Variants in NEDD4 observed in about 807,000 individuals in gnomAD.
NEDD4 encodes the protein NEDD4 E3 ubiquitin protein ligase, also known as E3 ubiquitin-protein ligase NEDD4.
In NEDD4, 99 loss-of-function variants were observed where a neutral mutation model predicts 144.9. That is an observed-to-expected ratio of 0.68 (90% confidence interval 0.58 to 0.81). NEDD4 has a LOEUF of 0.81. Among genes scored for constraint, NEDD4 ranks in the 30% least tolerant of loss-of-function variants. The pLI is 0.00. For synonymous variants in NEDD4, 318 were observed against 350.6 expected, an observed-to-expected ratio of 0.91 and a Z score of 1.04; for missense variants, 985 against 1,065.9, an observed-to-expected ratio of 0.92 and a Z score of 1.06.
chr15:55,869,826 G>A (rs1290368325), intron 7 of NEDD4, 145 bp from the exon 8 acceptor site: 1 of 476,732 alleles, frequency 2.1e-6, no homozygotes, highest in Non-Finnish European at 3.7e-6. Flanking sequence ...AAGATATCTA[G>A]GGAAAGGAAT....
chr15:55,953,252 G>C (rs1006928602), intron 2 of NEDD4, among the ~76,000 whole-genome samples: 3 of 151,744 alleles, frequency 2.0e-5, no homozygotes, highest in Non-Finnish European at 4.4e-5. Context: ...GGCTCCCAAA[G>C]TGCTGGGATT....
intron 8 of NEDD4, among the ~76,000 whole-genome samples, chr15:55,866,512 AT>A (rs1453125924): frequency 6.6e-6 from 1 of 152,178 alleles, no homozygotes; most frequent in African/African-American, 2.4e-5. Flanking sequence ...TAAATTTAAC[AT>A]TTTTTGGTTG....
chr15:55,981,078 G>T (rs1341607555), intron 1 of NEDD4, among the ~76,000 whole-genome samples: 1 of 146,804 alleles, frequency 6.8e-6, no homozygotes, highest in Non-Finnish European at 1.5e-5. Context: ...CACCTCTGTC[G>T]CCCAGGCTGG....
chr15:55,932,500 C>T (rs2036802535), intron 4 of NEDD4, among the ~76,000 whole-genome samples: 1 of 152,174 alleles, frequency 6.6e-6, no homozygotes, highest in Admixed American at 6.5e-5. Context: ...CTTCCTTACA[C>T]CTTATACGAA....
intron 4 of NEDD4, among the ~76,000 whole-genome samples, chr15:55,944,068 T>A (rs67790265): frequency 1.3e-5 from 2 of 152,056 alleles, no homozygotes; most frequent in Admixed American, 6.6e-5. Flanking sequence ...CCCGGTATGA[T>A]TGACGCAGAA....
At position 55,827,851 on chromosome 15, in the gene NEDD4, T is replaced by C. The variant is rs1258359851; in HGVS notation, c.*2046A>G. On this transcript the variant is annotated 3_prime_UTR_variant, in exon 29 of 29. Coordinates refer to ENST00000435532, the MANE Select transcript of NEDD4 (RefSeq NM_006154.4). ...CACCTGACTTGACACAATCTGACGG[T>C]CAGCACAAAGCACCTTCTGATTGTA... The C allele has an allele frequency of 6.6e-6, 1 of 152,232 alleles. No homozygotes were observed. Among genetic ancestry groups the C allele is most frequent in the East Asian group, 1.9e-4 (1 of 5,204 alleles). The allele number at this position is 152,232 out of a possible 1,614,324, so 9.4% of individuals were successfully genotyped here.
At chr15:55,919,020 C>G (rs10518830) in intron 5 of NEDD4, among the ~76,000 whole-genome samples, 21,723 of 152,096 alleles carry the variant, frequency 0.14, 1,701 homozygotes, top group East Asian at 0.35. Flanking sequence ...AAGCTCCTCT[C>G]ATTATTAACA....
rs771141153 is a variant in NEDD4, at chr15:55,916,481, G to C, written c.291+8165C>G. On this transcript the variant is annotated intron_variant, in intron 5 of 28. Transcript: ENST00000435532. ...CACTACTGTAAATACCATCCTTCAA[G>C]ATACAAGTAAACGAAGCATCATCAC... 3 of 1,613,918 alleles carry C rather than the reference G, an allele frequency of 1.9e-6. No homozygotes were observed. Among genetic ancestry groups the C allele is most frequent in the Admixed American group, 3.3e-5 (2 of 59,996 alleles).
In NEDD4 at chr15:55,842,168, A is replaced by T; in HGVS notation, c.1609-5T>A. ...AAATTTGTTTGGAATGTCATTCTGA[A>T]AATCCAGAGGAGAGACGTACTGTTT... On this transcript the variant is annotated splice_region_variant and splice_polypyrimidine_tract_variant and intron_variant, in intron 18 of 28. Transcript: ENST00000435532. 5 of 1,612,198 alleles carry T rather than the reference A, an allele frequency of 3.1e-6. No individual in the cohort carries two copies. Among genetic ancestry groups the T allele is most frequent in the Non-Finnish European group, 3.4e-6 (4 of 1,178,242 alleles).
intron 5 of NEDD4, among the ~76,000 whole-genome samples, chr15:55,874,601 A>G (rs1169228063): frequency 6.6e-6 from 1 of 152,238 alleles, no homozygotes; most frequent in African/African-American, 2.4e-5. Flanking sequence ...TGGAAGACTG[A>G]GAGGGCTCAG....
rs1464536958 is a variant in NEDD4, at chr15:55,829,825, C to T, written c.*72G>A. On this transcript the variant is annotated 3_prime_UTR_variant, in exon 29 of 29. Transcript: ENST00000435532. Reference sequence around the variant, plus strand: ...CAGTGGCCACATTTTAGTAGTTCCCCGGAAAATTTTAAGTCAAGATTTTGG... The same window carrying T: ...CAGTGGCCACATTTTAGTAGTTCCCTGGAAAATTTTAAGTCAAGATTTTGG... The T allele has an allele frequency of 6.0e-6, 7 of 1,171,190 alleles. No individual in the cohort carries two copies. The highest frequency in any genetic ancestry group is 1.5e-5 in the South Asian group (1 of 67,914). 72.5% of individuals were successfully genotyped at this position (1,171,190 alleles called of 1,614,324 possible).
chr15:55,905,679 T>C (rs571883496), intron 5 of NEDD4, among the ~76,000 whole-genome samples: 1 of 152,334 alleles, frequency 6.6e-6, no homozygotes, highest in South Asian at 2.1e-4. Flanking sequence ...AGAAAGAACT[T>C]TAAAAATAAA....
chr15:55,856,232 A>G (rs765799699), intron 11 of NEDD4, 36 bp from the exon 12 acceptor site: 3 of 1,586,620 alleles, frequency 1.9e-6, no homozygotes, highest in Non-Finnish European at 2.6e-6. Context: ...GAATACCTTG[A>G]TATTTGTGAT....
rs754204571 is a variant in NEDD4, at chr15:55,840,620, C to T, written c.1946G>A (p.Gly649Asp). ...GRVAGMAVYH[G>D]KLLDGFFIRP... ...TTAATACTAACCATCCAACAGTTTG[C>T]CATGATAAACTGCCATTCCAGCTAC... is the stretch of plus-strand genomic sequence containing the variant. The change falls in exon 20 of 29, where the codon GGC becomes GAC. Residue 649 changes from glycine to aspartate, a missense_variant. Transcript: ENST00000435532. 12 of 1,613,870 alleles carry T rather than the reference C, an allele frequency of 7.4e-6. No homozygotes were observed. Among genetic ancestry groups the T allele is most frequent in the East Asian group, 2.2e-5 (1 of 44,856 alleles).
At chr15:55,838,426 G>C (rs1159944892) in intron 22 of NEDD4, 83 bp downstream of exon 22, 5 of 953,262 alleles carry the variant, frequency 5.2e-6, no homozygotes, top group Non-Finnish European at 8.3e-6. Context: ...ACAGAGCCTA[G>C]GAATGTATTA....
intron 5 of NEDD4, chr15:55,916,307 G>A: frequency 6.2e-7 from 1 of 1,614,016 alleles, no homozygotes; most frequent in South Asian, 1.1e-5. Context: ...CTCCACTTGT[G>A]ATACTTGCAC....
intron 1 of NEDD4, among the ~76,000 whole-genome samples, chr15:55,974,581 G>A (rs954857779): frequency 3.9e-5 from 6 of 152,084 alleles, no homozygotes; most frequent in Non-Finnish European, 8.8e-5. Flanking sequence ...GTGACCAAGT[G>A]GGATTCATAT....
chr15:55,919,476 C>A (rs999843768), intron 5 of NEDD4, among the ~76,000 whole-genome samples: 1 of 152,150 alleles, frequency 6.6e-6, no homozygotes, highest in South Asian at 2.1e-4. Flanking sequence ...TCTAGGGAGG[C>A]TGAACAATTT....
At chr15:55,838,641 T>A in intron 21 of NEDD4, 37 bp from the exon 22 acceptor site, 1 of 1,435,126 alleles carries the variant, frequency 7.0e-7, no homozygotes, top group Non-Finnish European at 9.8e-7. Context: ...AATTTGTATC[T>A]ATAACACACC....
Sources: gnomAD v4.1 joint callset for allele counts (sites outside exome capture counted in the v4.1 genomes callset) on GRCh38, gnomAD v4.1.1 for gene constraint, MANE v1.5 for transcripts, NCBI Gene and HGNC (gene_info 2026-07-23, HGNC 2026-07-21) for gene names.